Variants in MYO1E observed in about 807,000 individuals in gnomAD.
MYO1E encodes the protein unconventional myosin-Ie.
In MYO1E, 68 loss-of-function variants were observed where a neutral mutation model predicts 151.1. The observed-to-expected ratio is 0.45, with a 90% CI of 0.37 to 0.55. The LOEUF (loss-of-function observed/expected upper bound fraction) is 0.55, where lower values mean the gene tolerates loss of function less well. MYO1E is among the 20% of genes least tolerant of loss of function. The pLI is 0.00. For missense variants in MYO1E, 1,363 were observed against 1,389.3 expected, an observed-to-expected ratio of 0.98 and a Z score of 0.30; for synonymous variants, 601 against 501.7, an observed-to-expected ratio of 1.20 and a Z score of -2.64.
chr15:59,218,576 TTGAG>T (rs1317815208), intron 9 of MYO1E, among the ~76,000 whole-genome samples: 10 of 152,234 alleles, frequency 6.6e-5, no homozygotes, highest in African/African-American at 2.4e-4. Context: ...CCCATGTTTA[TTGAG>T]TATTTAGCAT....
At chr15:59,337,650 G>A (rs1476740218) in intron 1 of MYO1E, among the ~76,000 whole-genome samples, 1 of 152,160 alleles carries the variant, frequency 6.6e-6, no homozygotes, top group Non-Finnish European at 1.5e-5. Flanking sequence ...GACCAACATG[G>A]AGAAACCCCG....
rs184812735 is a variant in MYO1E, at chr15:59,143,157, G to A, written c.3081-4790C>T. On this transcript the variant is annotated intron_variant, in intron 26 of 27. Transcript: ENST00000288235. ...CAAAGTAAAACCTCCGAAATTACCCGGGGAATTTGGGGTCCATAATTGTCC... is the reference window on the plus strand; with the variant it reads ...CAAAGTAAAACCTCCGAAATTACCCAGGGAATTTGGGGTCCATAATTGTCC... Among the ~76,000 whole-genome samples, 100 of 152,280 alleles carry A rather than the reference G, an allele frequency of 6.6e-4. 2 individuals are homozygous for A. Among genetic ancestry groups the A allele is most frequent in the African/African-American group, 2.0e-3 (84 of 41,538 alleles).
chr15:59,265,767 G>C (rs1382666363), intron 2 of MYO1E, among the ~76,000 whole-genome samples: 1 of 143,876 alleles, frequency 7.0e-6, no homozygotes, highest in East Asian at 2.0e-4. Flanking sequence ...ACCAGCCTGG[G>C]CAATATACTG....
chr15:59,333,354 A>G (rs1038950181), intron 1 of MYO1E, among the ~76,000 whole-genome samples: 3 of 151,980 alleles, frequency 2.0e-5, no homozygotes, highest in Admixed American at 6.6e-5. Context: ...ATCCTCCACC[A>G]CAGCAACCCC....
At position 59,168,897 on chromosome 15, in the gene MYO1E, C is replaced by T. The variant is rs2079576411; in HGVS notation, c.2480+3000G>A. On this transcript the variant is annotated intron_variant, in intron 22 of 27. Transcript: ENST00000288235. ...TTGGTCTCCCAAAGTGCTGGGATTA[C>T]AGGCGTGGGTCACTGCGCTCAGCCT... Among the ~76,000 whole-genome samples the T allele has an allele frequency of 1.1e-4, 17 of 152,332 alleles. No homozygotes were observed. The South Asian group carries it at 3.5e-3, about 32-fold the overall frequency.
intron 26 of MYO1E, among the ~76,000 whole-genome samples, chr15:59,141,663 C>T (rs1404322727): frequency 2.6e-5 from 4 of 151,854 alleles, no homozygotes; most frequent in Admixed American, 6.6e-5. Context: ...CTGGGCGTGA[C>T]GGTGCATGCC....
intron 1 of MYO1E, among the ~76,000 whole-genome samples, chr15:59,367,175 T>G (rs1330398582): frequency 6.6e-6 from 1 of 152,170 alleles, no homozygotes; most frequent in Non-Finnish European, 1.5e-5. Context: ...TAATGAATAA[T>G]AAGGCCCCAC....
At chr15:59,235,828 C>T (rs2080058888) in intron 5 of MYO1E, among the ~76,000 whole-genome samples, 1 of 152,186 alleles carries the variant, frequency 6.6e-6, no homozygotes, top group African/African-American at 2.4e-5. Flanking sequence ...TCCTACCAAT[C>T]AAGCGTTTAA....
intron 8 of MYO1E, among the ~76,000 whole-genome samples, chr15:59,223,480 T>C (rs777780167): frequency 1.3e-5 from 2 of 152,266 alleles, no homozygotes; most frequent in Non-Finnish European, 1.5e-5. Flanking sequence ...TCTCTAAGCA[T>C]AGCATGCCAT....
chr15:59,142,306 C>T (rs2079414975), intron 26 of MYO1E, among the ~76,000 whole-genome samples: 1 of 152,036 alleles, frequency 6.6e-6, no homozygotes, highest in Non-Finnish European at 1.5e-5. Flanking sequence ...TTAGTGTAGA[C>T]TGACAAGGTC....
chr15:59,224,689 C>T lies in MYO1E; in HGVS notation c.777G>A (p.Leu259=). The T allele has an allele frequency of 6.2e-7, 1 of 1,614,190 alleles. No homozygotes were observed. Among genetic ancestry groups the T allele is most frequent in the East Asian group, 2.2e-5 (1 of 44,870 alleles). The part of the protein sequence containing the change: ...IDDRREFQET[L]HAMNVIGIFA... ...TGCCTGGCCCTGCGCCAGCACTTAC[C>T]AGAGTTTCCTGAAACTCCCGCCTGT... is the stretch of plus-strand genomic sequence containing the variant. The change falls in exon 8 of 28, where the codon CTG becomes CTA. Residue 259 remains leucine (L), a splice_region_variant and synonymous_variant. Transcript: ENST00000288235.
intron 16 of MYO1E, among the ~76,000 whole-genome samples, chr15:59,200,142 T>C (rs1395746265): frequency 6.6e-6 from 1 of 152,150 alleles, no homozygotes; most frequent in African/African-American, 2.4e-5. Context: ...GACAAGTCTT[T>C]AAGGAGGAAA....
At chr15:59,334,931 A>C (rs2080719427) in intron 1 of MYO1E, among the ~76,000 whole-genome samples, 2 of 152,188 alleles carry the variant, frequency 1.3e-5, no homozygotes, top group African/African-American at 4.8e-5. Flanking sequence ...CAGAAACCTC[A>C]TAGAGAATTG....
chr15:59,163,024 G>T, intron 23 of MYO1E, 133 bp downstream of exon 23: 1 of 985,498 alleles, frequency 1.0e-6, no homozygotes, highest in Non-Finnish European at 1.5e-6. Flanking sequence ...CAGGCTCTAA[G>T]GTTCCACTGG....
At position 59,224,828 on chromosome 15, in the gene MYO1E, A is replaced by T; in HGVS notation, c.643-5T>A. On this transcript the variant is annotated splice_region_variant and splice_polypyrimidine_tract_variant and intron_variant, in intron 7 of 27. Coordinates refer to ENST00000288235, the MANE Select transcript of MYO1E (RefSeq NM_004998.4). ...TGCAGAGGCGCCCTCGATGAGCTGG[A>T]GCAAGAGAACACAGGTTGAGCCATG... 1 of 1,614,208 alleles carries T rather than the reference A, an allele frequency of 6.2e-7. No individual in the cohort carries two copies. Among genetic ancestry groups the T allele is most frequent in the Non-Finnish European group, 8.5e-7 (1 of 1,180,046 alleles).
chr15:59,138,063 C>T, intron 27 of MYO1E, 135 bp downstream of exon 27: 1 of 1,057,692 alleles, frequency 9.5e-7, no homozygotes, highest in Non-Finnish European at 1.5e-6. Context: ...TCAGACTGAG[C>T]CTGAGGCCTG....
At chr15:59,342,149 T>C (rs1010142595) in intron 1 of MYO1E, among the ~76,000 whole-genome samples, 2 of 152,248 alleles carry the variant, frequency 1.3e-5, no homozygotes, top group Non-Finnish European at 1.5e-5. Context: ...CACCTTTTCA[T>C]ACACCTGTTT....
intron 1 of MYO1E, among the ~76,000 whole-genome samples, chr15:59,346,095 G>GA (rs1177369752): frequency 1.3e-5 from 2 of 152,150 alleles, no homozygotes; most frequent in Admixed American, 1.3e-4. Flanking sequence ...TTCTGAGATT[G>GA]TAAGCAAAGG....
At chr15:59,309,966 C>A (rs1298111927) in intron 1 of MYO1E, among the ~76,000 whole-genome samples, 1 of 152,196 alleles carries the variant, frequency 6.6e-6, no homozygotes, top group East Asian at 1.9e-4. Context: ...TTCAGACCCA[C>A]CCCTCGACTA....
Sources: gnomAD v4.1 joint callset for allele counts (sites outside exome capture counted in the v4.1 genomes callset) on GRCh38, gnomAD v4.1.1 for gene constraint, MANE v1.5 for transcripts, NCBI Gene and HGNC (gene_info 2026-07-23, HGNC 2026-07-21) for gene names.